Variants in CCDC7 observed in about 807,000 individuals in gnomAD.
CCDC7 encodes the protein coiled-coil domain containing 7.
A neutral mutation model predicts 196.9 loss-of-function variants in CCDC7; 183 were observed. That is an observed-to-expected ratio of 0.93 (90% confidence interval 0.82 to 1.05). The LOEUF (loss-of-function observed/expected upper bound fraction) is 1.05. Among genes scored for constraint, CCDC7 ranks in the 50% least tolerant of loss-of-function variants. The probability of loss-of-function intolerance (pLI) is 0.00; values close to 1 mark genes in which losing one functional copy is unlikely to be tolerated. For missense variants in CCDC7, 1,540 were observed against 1,482.2 expected (o/e 1.04, Z -0.64); for synonymous variants, 525 against 484.6 (o/e 1.08, Z -1.10).
chr10:32,595,523 G>A (rs1303919985), intron 18 of CCDC7, among the ~76,000 whole-genome samples: 1 of 152,128 alleles, frequency 6.6e-6, no homozygotes, highest in East Asian at 1.9e-4. Context: ...TTTTTGAAGA[G>A]TTTTTTGTCT....
chr10:32,682,171 C>T (rs1290638621), intron 21 of CCDC7, among the ~76,000 whole-genome samples: 1 of 152,128 alleles, frequency 6.6e-6, no homozygotes, highest in Non-Finnish European at 1.5e-5. Context: ...TCACACTCTG[C>T]CTACCCTCCA....
chr10:32,833,026 A>G (rs1223024535), intron 32 of CCDC7, among the ~76,000 whole-genome samples: 2 of 152,122 alleles, frequency 1.3e-5, no homozygotes, highest in Non-Finnish European at 2.9e-5. Flanking sequence ...CAGAAACTAT[A>G]AACAAGAATG....
chr10:32,526,023 A>G (rs973833654), intron 11 of CCDC7, among the ~76,000 whole-genome samples: 3 of 152,148 alleles, frequency 2.0e-5, no homozygotes, highest in Non-Finnish European at 4.4e-5. Context: ...TGTTCCCCCA[A>G]GCCCTAAGTG....
chr10:32,632,236 A>G lies in CCDC7; in HGVS notation c.1802-2018A>G, dbSNP rs141884211. Among the ~76,000 whole-genome samples the G allele has an allele frequency of 5.4e-4, 82 of 151,910 alleles. No individual in the cohort carries two copies. The East Asian group carries it at 0.013, about 25-fold the overall frequency. The stretch of plus-strand genomic sequence containing the variant: ...TTATCTTGTTTTTACTTTAGTGGGA[A>G]AGCATTAACCATTAAGTATAATGCT... On this transcript the variant is annotated intron_variant, in intron 18 of 41. Coordinates refer to ENST00000639629, the Ensembl canonical transcript of CCDC7.
chr10:32,676,605 A>G (rs1483437035), intron 21 of CCDC7, among the ~76,000 whole-genome samples: 1 of 152,120 alleles, frequency 6.6e-6, no homozygotes, highest in African/African-American at 2.4e-5. Flanking sequence ...TGCAGCCAAA[A>G]AACACATGAA....
Position 32,689,183 on chromosome 10 carries a change from A to T in CCDC7, c.2344+20A>T, listed in dbSNP as rs1261573960. Reference sequence around the variant, plus strand: ...TTATTAGTAAGTATAAAAAGTAAAGATAACTTTAAATTATTTAAAAGTAAG... The same window carrying T: ...TTATTAGTAAGTATAAAAAGTAAAGTTAACTTTAAATTATTTAAAAGTAAG... On this transcript the variant is annotated intron_variant, in intron 23 of 41. Transcript: ENST00000639629. 1 of 1,403,630 alleles carries T rather than the reference A, an allele frequency of 7.1e-7. No homozygotes were observed. The highest frequency in any genetic ancestry group is 9.8e-7 in the Non-Finnish European group (1 of 1,019,002). The allele number at this position is 1,403,630 out of a possible 1,614,324, so 86.9% of individuals were successfully genotyped here.
chr10:32,776,016 T>G (rs1469414037), intron 28 of CCDC7, among the ~76,000 whole-genome samples: 2 of 145,926 alleles, frequency 1.4e-5, no homozygotes, highest in Admixed American at 7.0e-5. Context: ...TCATTCTCAG[T>G]AAACTATCGC....
At chr10:32,522,282 G>C (rs140699917) in intron 11 of CCDC7, among the ~76,000 whole-genome samples, 1 of 152,132 alleles carries the variant, frequency 6.6e-6, no homozygotes, top group Non-Finnish European at 1.5e-5. Context: ...GTAAAATTCA[G>C]CAGTGAAGCC....
chr10:32,695,469 C>T (rs539231807), intron 24 of CCDC7, among the ~76,000 whole-genome samples: 1 of 152,298 alleles, frequency 6.6e-6, no homozygotes, highest in Admixed American at 6.5e-5. Context: ...TTAGGCTTCA[C>T]CTAAGGGTAG....
exon 5 of CCDC7, chr10:32,463,025 G>A (rs986322839): frequency 1.2e-6 from 2 of 1,613,492 alleles, no homozygotes; most frequent in Non-Finnish European, 1.7e-6. Context: ...AGTGGTTTCA[G>A]TGGCAGGTCA....
intron 39 of CCDC7, among the ~76,000 whole-genome samples, chr10:32,849,380 A>C (rs1214923204): frequency 6.6e-6 from 1 of 151,998 alleles, no homozygotes; most frequent in Non-Finnish European, 1.5e-5. Context: ...GGGCCCATTC[A>C]GTAAATAGAA....
At position 32,483,517 on chromosome 10, in the gene CCDC7, A is replaced by G. The variant is rs1249913086; in HGVS notation, c.797-8405A>G. ...TAGTTTAATTCGATCCCATTTGTCA[A>G]TTTTGGCTTTTGTTGCCATTGCTTT... On this transcript the variant is annotated intron_variant, in intron 8 of 41. Transcript: ENST00000639629. Among the ~76,000 whole-genome samples the G allele has an allele frequency of 9.2e-5, 14 of 152,250 alleles. 1 individual carries two copies. Among genetic ancestry groups the G allele is most frequent in the South Asian group, 8.3e-4 (4 of 4,826 alleles).
chr10:32,582,953 A>G, intron 16 of CCDC7, 81 bp from the exon 18 acceptor site: 1 of 781,302 alleles, frequency 1.3e-6, no homozygotes, highest in Non-Finnish European at 1.7e-6. Flanking sequence ...TAATATCCTT[A>G]TATATTATTA....
chr10:32,856,488 A>G (rs1279375892), intron 41 of CCDC7, among the ~76,000 whole-genome samples: 1 of 152,100 alleles, frequency 6.6e-6, no homozygotes, highest in Non-Finnish European at 1.5e-5. Context: ...TGGATTGGGA[A>G]AGCCCTCTAC....
rs551207684 is a variant in CCDC7 at position 32,735,291 on chromosome 10, A to G, written c.2905+5834A>G. On this transcript the variant is annotated intron_variant, in intron 28 of 41. Coordinates refer to ENST00000639629, the Ensembl canonical transcript of CCDC7. ...GTAAGAAATTGTTAAACTGTCTTCA[A>G]AGTTGCTGTAGTGTTTTGCATTCCT... Among the ~76,000 whole-genome samples the G allele has an allele frequency of 4.6e-5, 7 of 152,318 alleles. No individual in the cohort carries two copies. The South Asian group carries it at 1.4e-3, about 32-fold the overall frequency.
At chr10:32,636,418 C>T (rs1008079494) in intron 20 of CCDC7, among the ~76,000 whole-genome samples, 2 of 152,114 alleles carry the variant, frequency 1.3e-5, no homozygotes, top group Admixed American at 1.3e-4. Context: ...GTGATGTTCC[C>T]CTTCCTGTGT....
chr10:32,809,293 A>G (rs1055573112), intron 30 of CCDC7, among the ~76,000 whole-genome samples: 13 of 152,200 alleles, frequency 8.5e-5, no homozygotes, highest in Non-Finnish European at 1.3e-4. Flanking sequence ...AAGAAGCTCA[A>G]TGAGGTAGAA....
intron 41 of CCDC7, among the ~76,000 whole-genome samples, chr10:32,874,495 CA>C (rs1421594848): frequency 1.3e-5 from 2 of 151,612 alleles, no homozygotes; most frequent in Non-Finnish European, 2.9e-5. Flanking sequence ...CCTTTGTGTG[CA>C]CATAGCTTAG....
chr10:32,494,211 G>A (rs1417125056), intron 9 of CCDC7, among the ~76,000 whole-genome samples: 1 of 152,012 alleles, frequency 6.6e-6, no homozygotes, highest in Non-Finnish European at 1.5e-5. Context: ...GTCTATTTTT[G>A]TATATGAGAT....
Sources: gnomAD v4.1 joint callset for allele counts (sites outside exome capture counted in the v4.1 genomes callset) on GRCh38, gnomAD v4.1.1 for gene constraint, MANE v1.5 for transcripts, NCBI Gene and HGNC (gene_info 2026-07-23, HGNC 2026-07-21) for gene names.